STAB2: variants seen among roughly 807,000 people sequenced by gnomAD.
STAB2 encodes stabilin-2.
In STAB2, 288 loss-of-function variants were observed where a neutral mutation model predicts 338.1. The observed-to-expected ratio is 0.85, with a 90% confidence interval of 0.77 to 0.94. STAB2 has a LOEUF of 0.94. Ranked by LOEUF, STAB2 falls within the 40% of genes least tolerant of loss-of-function variation. The pLI, the probability that STAB2 is intolerant of heterozygous loss-of-function variation, is 0.00. For missense variants in STAB2, 3,141 were observed against 3,210.1 expected (o/e 0.98, Z 0.52); for synonymous variants, 1,202 against 1,193.3 (o/e 1.01, Z -0.15).
chr12:103,755,516 C>A lies in STAB2; in HGVS notation c.6880+49C>A, dbSNP rs763767857. 15 of 1,608,140 alleles carry A rather than the reference C, an allele frequency of 9.3e-6. No homozygotes were observed. The Admixed American group carries it at 2.2e-4, about 23-fold the overall frequency. On this transcript the variant is annotated intron_variant, in intron 62 of 68. Coordinates refer to ENST00000388887, the MANE Select transcript of STAB2 (RefSeq NM_017564.10). ...GGTTCTGGGCCACACAGCTGCTGAG[C>A]AATCCTCAGCCTGGCCAGTCACTCC... is the stretch of plus-strand genomic sequence containing the variant.
chr12:103,674,515 AC>A (rs146621776), intron 23 of STAB2, among the ~76,000 whole-genome samples: 62 of 152,340 alleles, frequency 4.1e-4, no homozygotes, highest in Non-Finnish European at 7.6e-4. Flanking sequence ...AGATTTGTCC[AC>A]CAACTTTCTA....
At position 103,740,636 on chromosome 12, in the gene STAB2, AAGC is replaced by A. The variant is rs752933090; in HGVS notation, c.5764_5766del (p.Gln1922del). The A allele has an allele frequency of 3.7e-6, 6 of 1,611,908 alleles. No individual in the cohort carries two copies. Among genetic ancestry groups the A allele is most frequent in the Non-Finnish European group, 5.1e-6 (6 of 1,179,110 alleles). On this transcript the variant is annotated inframe_deletion, in exon 55 of 69. Transcript: ENST00000388887. ...GTCCACTCTCTTCCCTTAGGGTGTG[AAGC>A]AGAAGTGTCTCTACAACCTGCCCTT...
In STAB2 at chr12:103,749,085, G is replaced by C; in HGVS notation, c.6367G>C (p.Glu2123Gln). The change falls in exon 59 of 69, where the codon GAG becomes CAG. Residue 2123 changes from glutamate (E) to glutamine (Q), a missense_variant. By Grantham distance (29) the Glu-to-Gln change is conservative. Coordinates refer to ENST00000388887, the MANE Select transcript of STAB2 (RefSeq NM_017564.10). ...GYKGDGHSCT[E>Q]IDPCADGLNG... ...CAAAGGGGACGGGCACAGCTGCACA[G>C]AGATAGACCCCTGTGCAGACGGCCT... 1 of 1,614,134 alleles carries C rather than the reference G, an allele frequency of 6.2e-7. No homozygotes were observed. Among genetic ancestry groups the C allele is most frequent in the East Asian group, 2.2e-5 (1 of 44,874 alleles).
In STAB2 at chr12:103,666,336, G is replaced by A. The variant is rs147674384; in HGVS notation, c.2068G>A (p.Ala690Thr). 1.9e-6 allele frequency: 3 copies of A among 1,614,040 alleles called. No homozygotes were observed. In the African/African-American group the frequency reaches 4.0e-5, roughly 22 times the overall value. Reference sequence around the variant, plus strand: ...TCTGGTGTACTGGAGCAGATGTCCTGCTAACTCTGAGCCCACAGTGAGTGT... The same window carrying A: ...TCTGGTGTACTGGAGCAGATGTCCTACTAACTCTGAGCCCACAGTGAGTGT... ...CSLVYWSRCP[A>T]NSEPTALFTH... is the part of the protein sequence containing the mutation. The change falls in exon 19 of 69, where the codon GCT (alanine) becomes ACT (threonine). Residue 690 changes from alanine to threonine, a missense_variant. Transcript: ENST00000388887.
chr12:103,709,354 C>A (rs932210422), intron 39 of STAB2, among the ~76,000 whole-genome samples: 2 of 152,140 alleles, frequency 1.3e-5, no homozygotes, highest in Admixed American at 6.5e-5. Context: ...GGCGCCGGGC[C>A]GTGAAACGCT....
chr12:103,733,135 G>C lies in STAB2; in HGVS notation c.5413G>C (p.Asp1805His), dbSNP rs375348716. ...CTTCCTGTTCAACCAAGACAACAAGGACAAGCTGAAGGAGTATTTGAAGTT... is the reference window on the plus strand; with the variant it reads ...CTTCCTGTTCAACCAAGACAACAAGCACAAGCTGAAGGAGTATTTGAAGTT... ...QDFLFNQDNK[D>H]KLKEYLKFHV... The change falls in exon 51 of 69, where the codon GAC (aspartate) becomes CAC (histidine). Residue 1805 changes from aspartate to histidine, a missense_variant. By Grantham distance (81) the Asp-to-His change is moderately conservative. Coordinates refer to ENST00000388887, the MANE Select transcript of STAB2 (RefSeq NM_017564.10). The C allele has an allele frequency of 1.3e-5, 21 of 1,613,948 alleles. No homozygotes were observed. In the African/African-American group the frequency reaches 1.9e-4, roughly 14 times the overall value.
chr12:103,596,684 G>A (rs1231163230), intron 3 of STAB2, among the ~76,000 whole-genome samples: 2 of 152,104 alleles, frequency 1.3e-5, no homozygotes, highest in African/African-American at 2.4e-5. Context: ...TTAACAGTGG[G>A]TAACTCTTAA....
In STAB2 at chr12:103,725,077, C is replaced by A. The variant is rs147307613; in HGVS notation, c.4786C>A (p.Arg1596Ser). 7.1e-5 allele frequency: 114 copies of A among 1,613,040 alleles called. 1 individual carries two copies. The highest frequency in any genetic ancestry group is 6.6e-4 in the Middle Eastern group (4 of 6,058). Reference protein sequence around the residue: ...PNYIGDGFTCRGSIYQELPKN... With the variant: ...PNYIGDGFTCSGSIYQELPKN... ...CTACATTGGAGATGGATTTACCTGCCGCGGCAGCATTTATCAGGTAACGCG... is the reference window on the plus strand; with the variant it reads ...CTACATTGGAGATGGATTTACCTGCAGCGGCAGCATTTATCAGGTAACGCG... The change falls in exon 45 of 69, where the codon CGC becomes AGC. Residue 1596 changes from arginine to serine, a missense_variant. Physicochemically the swap from Arg to Ser is moderately radical, Grantham distance 110. Transcript: ENST00000388887.
At position 103,650,665 on chromosome 12, in the gene STAB2, C is replaced by G. The variant is rs926654317; in HGVS notation, c.1257+87C>G. 3.5e-6 allele frequency: 4 copies of G among 1,128,180 alleles called. No homozygotes were observed. The African/African-American group carries it at 6.3e-5, about 18-fold the overall frequency. The allele number at this position is 1,128,180 out of a possible 1,614,324, so 69.9% of individuals were successfully genotyped here. Reference sequence around the variant, plus strand: ...CTTCTTTTATTTAAAGTGGGAAATCCCCATTAAAATTAAACCTACTGATGA... The same window carrying G: ...CTTCTTTTATTTAAAGTGGGAAATCGCCATTAAAATTAAACCTACTGATGA... On this transcript the variant is annotated intron_variant, in intron 11 of 68. Coordinates refer to ENST00000388887, the MANE Select transcript of STAB2 (RefSeq NM_017564.10).
intron 4 of STAB2, among the ~76,000 whole-genome samples, chr12:103,621,165 G>A (rs1176598144): frequency 6.6e-6 from 1 of 151,924 alleles, no homozygotes; most frequent in South Asian, 2.1e-4. Flanking sequence ...AGTAAAATGA[G>A]GCCATATATG....
At chr12:103,726,303 A>C (rs2139059605) in intron 46 of STAB2, 140 bp downstream of exon 46, 3 of 734,032 alleles carry the variant, frequency 4.1e-6, no homozygotes, top group South Asian at 3.5e-5. Flanking sequence ...AGTCTGGGGA[A>C]CATGGCAAAA....
chr12:103,637,008 A>G (rs1347906474), intron 6 of STAB2, 103 bp from the exon 7 acceptor site: 4 of 1,273,558 alleles, frequency 3.1e-6, no homozygotes, highest in Non-Finnish European at 4.2e-6. Flanking sequence ...AATTATTACA[A>G]TGAGTTTGTA....
rs544684914 is a variant in STAB2 at position 103,702,459 on chromosome 12, C to T, written c.3715-689C>T. 9.2e-5 allele frequency among the ~76,000 whole-genome samples: 14 copies of T among 152,126 alleles called. No homozygotes were observed. In the East Asian group the frequency reaches 9.7e-4, roughly 11 times the overall value. On this transcript the variant is annotated intron_variant, in intron 34 of 68. Transcript: ENST00000388887. Reference sequence around the variant, plus strand: ...GACTACAGGCGCCCGCCACCGCGCCCGGCTAATTTTTTTGTATTTTTAGTA... The same window carrying T: ...GACTACAGGCGCCCGCCACCGCGCCTGGCTAATTTTTTTGTATTTTTAGTA...
At chr12:103,691,407 A>G (rs1239583187) in intron 30 of STAB2, among the ~76,000 whole-genome samples, 2 of 152,226 alleles carry the variant, frequency 1.3e-5, no homozygotes, top group African/African-American at 4.8e-5. Flanking sequence ...TTCTTTTAGA[A>G]AGCAGAAAAC....
chr12:103,624,462 A>T (rs1957350350), intron 5 of STAB2, among the ~76,000 whole-genome samples: 1 of 152,232 alleles, frequency 6.6e-6, no homozygotes, highest in South Asian at 2.1e-4. Flanking sequence ...TTTATGAAGC[A>T]TGCTATCTGT....
chr12:103,637,302 A>G, intron 7 of STAB2, 66 bp downstream of exon 7: 1 of 1,560,764 alleles, frequency 6.4e-7, no homozygotes, highest in Non-Finnish European at 8.6e-7. Flanking sequence ...CAGGAAAAAA[A>G]AATCTCACAA....
At chr12:103,612,040 T>G (rs1957131723) in intron 3 of STAB2, among the ~76,000 whole-genome samples, 1 of 152,254 alleles carries the variant, frequency 6.6e-6, no homozygotes, top group Non-Finnish European at 1.5e-5. Flanking sequence ...CTTGTAGAGT[T>G]TCTGCTGAGA....
chr12:103,614,591 G>T (rs1336229155), intron 3 of STAB2, among the ~76,000 whole-genome samples: 1 of 152,144 alleles, frequency 6.6e-6, no homozygotes, highest in Non-Finnish European at 1.5e-5. Context: ...AACTTCTGTT[G>T]TTTCTAGGCA....
intron 19 of STAB2, among the ~76,000 whole-genome samples, chr12:103,667,490 C>T (rs1183923769): frequency 2.6e-5 from 4 of 152,164 alleles, no homozygotes; most frequent in African/African-American, 9.7e-5. Context: ...ATGATTTGTT[C>T]TACATGTTTA....
Sources: allele counts gnomAD v4.1 joint callset (sites outside exome capture counted in the v4.1 genomes callset), GRCh38; gene constraint gnomAD v4.1.1; transcripts MANE v1.5; gene names NCBI Gene and HGNC (gene_info 2026-07-23, HGNC 2026-07-21).